Variants in ADAMTS20 observed in about 807,000 individuals in gnomAD.
ADAMTS20 encodes the protein A disintegrin and metalloproteinase with thrombospondin motifs 20.
Under a neutral mutation model 260.1 loss-of-function variants are expected in ADAMTS20, and 225 were observed. The observed-to-expected ratio is 0.87, with a 90% confidence interval of 0.78 to 0.97. ADAMTS20 has a LOEUF of 0.97. Among genes scored for constraint, ADAMTS20 ranks in the 50% least tolerant of loss-of-function variants. The probability of loss-of-function intolerance (pLI) is 0.00; values close to 1 mark genes in which losing one functional copy is unlikely to be tolerated. For synonymous variants in ADAMTS20, 802 were observed against 769.5 expected, an observed-to-expected ratio of 1.04 and a Z score of -0.70; for missense variants, 2,400 against 2,337.7, an observed-to-expected ratio of 1.03 and a Z score of -0.55.
intron 16 of ADAMTS20, among the ~76,000 whole-genome samples, chr12:43,441,655 T>C (rs1941668635): frequency 6.6e-6 from 1 of 152,182 alleles, no homozygotes; most frequent in Non-Finnish European, 1.5e-5. Context: ...GGATGTGTAA[T>C]ACCTAAAATT....
At chr12:43,444,857 G>A (rs1941731708) in intron 15 of ADAMTS20, among the ~76,000 whole-genome samples, 1 of 152,130 alleles carries the variant, frequency 6.6e-6, no homozygotes, top group Non-Finnish European at 1.5e-5. Context: ...CAACCCTAAT[G>A]TCAGACTATC....
chr12:43,519,427 GGTATTCAGTAA>G (rs1943041813), intron 3 of ADAMTS20, among the ~76,000 whole-genome samples: 2 of 151,970 alleles, frequency 1.3e-5, no homozygotes, highest in South Asian at 4.1e-4. Flanking sequence ...CAGTGAGGAA[GGTATTCAGTAA>G]ATATTTTATG....
rs371420847 is a variant in ADAMTS20 at position 43,452,313 on chromosome 12, T to A, written c.2040A>T (p.Gly680=). ...GAACACAGATGTCATGAGTTTCAGTTCCACAAGGAGTACCATCTTCAACCA... is the reference window on the plus strand; with the variant it reads ...GAACACAGATGTCATGAGTTTCAGTACCACAAGGAGTACCATCTTCAACCA... ...KDMVEDGTPC[G]TETHDICVQG... Residue 680 remains glycine (G), a synonymous_variant, in exon 14 of 39, where the codon GGA becomes GGT. Coordinates refer to ENST00000389420, the MANE Select transcript of ADAMTS20 (RefSeq NM_025003.5). 14 of 1,613,086 alleles carry A rather than the reference T, an allele frequency of 8.7e-6. No homozygotes were observed. The highest frequency in any genetic ancestry group is 1.2e-5 in the Non-Finnish European group (14 of 1,179,494).
intron 7 of ADAMTS20, among the ~76,000 whole-genome samples, chr12:43,471,353 T>G (rs1239482802): frequency 7.6e-5 from 11 of 145,042 alleles, no homozygotes; most frequent in Non-Finnish European, 1.2e-4. Context: ...GGAGTCTCGC[T>G]GTTTGCTAGC....
chr12:43,443,559 GA>G (rs1231783874), intron 16 of ADAMTS20, among the ~76,000 whole-genome samples: 30 of 150,414 alleles, frequency 2.0e-4, no homozygotes, highest in Admixed American at 7.9e-4. Context: ...AAATACACGA[GA>G]AAAAAACTGA....
At chr12:43,510,630 T>C (rs1379981863) in intron 3 of ADAMTS20, among the ~76,000 whole-genome samples, 6 of 152,064 alleles carry the variant, frequency 3.9e-5, no homozygotes, top group Admixed American at 2.6e-4. Flanking sequence ...AAATACTGTG[T>C]TGTCTTTTAT....
chr12:43,547,204 A>G (rs1342573264), intron 2 of ADAMTS20, among the ~76,000 whole-genome samples: 1 of 152,214 alleles, frequency 6.6e-6, no homozygotes, highest in Non-Finnish European at 1.5e-5. Context: ...TGAAAATATT[A>G]ATTTGATTTG....
rs1213256201 is a variant in ADAMTS20 at position 43,354,018 on chromosome 12, A to T, written c.*191T>A. On this transcript the variant is annotated 3_prime_UTR_variant, in exon 39 of 39. Transcript: ENST00000389420. ...CTGATTAGATATAAAATAAATTAAG[A>T]TAGCTCTTAAATTTCTTTTATAGAC... 9.8e-6 allele frequency: 4 copies of T among 409,812 alleles called. No individual in the cohort carries two copies. Among genetic ancestry groups the T allele is most frequent in the Non-Finnish European group, 1.3e-5 (3 of 229,902 alleles). The allele number at this position is 409,812 out of a possible 1,614,324, so 25.4% of individuals were successfully genotyped here. A position where few individuals can be genotyped will look rare whatever the true frequency, so the allele number is the denominator to read the frequency against.
At chr12:43,537,599 C>A (rs1302172430) in intron 2 of ADAMTS20, among the ~76,000 whole-genome samples, 2 of 152,046 alleles carry the variant, frequency 1.3e-5, no homozygotes, top group African/African-American at 2.4e-5. Flanking sequence ...GTTGTACTAG[C>A]AAATAGGTCT....
At chr12:43,408,013 A>C (rs1319036626) in intron 28 of ADAMTS20, among the ~76,000 whole-genome samples, 1 of 152,202 alleles carries the variant, frequency 6.6e-6, no homozygotes, top group Non-Finnish European at 1.5e-5. Context: ...TGGAGTTTTT[A>C]TTGACTCATC....
intron 4 of ADAMTS20, among the ~76,000 whole-genome samples, chr12:43,494,133 T>A (rs1480929714): frequency 6.6e-6 from 1 of 152,222 alleles, no homozygotes; most frequent in East Asian, 1.9e-4. Flanking sequence ...ACCTGTGCAA[T>A]GAAATCTGCT....
chr12:43,522,380 T>C (rs578072085), intron 3 of ADAMTS20, among the ~76,000 whole-genome samples: 2 of 152,276 alleles, frequency 1.3e-5, no homozygotes, highest in East Asian at 3.9e-4. Context: ...CAGTCCAAGG[T>C]GAGATTTGGG....
intron 3 of ADAMTS20, among the ~76,000 whole-genome samples, chr12:43,527,269 A>C (rs578151334): frequency 4.0e-4 from 61 of 152,330 alleles, no homozygotes; most frequent in Admixed American, 1.2e-3. Flanking sequence ...GTCTATTCAC[A>C]GAAGAATTGG....
intron 14 of ADAMTS20, among the ~76,000 whole-genome samples, chr12:43,451,151 A>G (rs1010638720): frequency 2.6e-5 from 4 of 152,210 alleles, no homozygotes; most frequent in African/African-American, 9.6e-5. Context: ...CCTGGAGGAC[A>G]CTGGGTTAAA....
intron 16 of ADAMTS20, among the ~76,000 whole-genome samples, chr12:43,443,225 C>A (rs905051011): frequency 1.9e-4 from 29 of 152,064 alleles, no homozygotes; most frequent in African/African-American, 6.8e-4. Context: ...AAGTGAAATT[C>A]TTTAAGCCTG....
At chr12:43,497,177 G>A (rs914718019) in intron 4 of ADAMTS20, among the ~76,000 whole-genome samples, 13 of 151,992 alleles carry the variant, frequency 8.6e-5, no homozygotes, top group African/African-American at 3.1e-4. Flanking sequence ...CTTGTTTATA[G>A]GTTTCATAAA....
chr12:43,452,712 C>A lies in ADAMTS20; in HGVS notation c.1761-17G>T. 6.3e-7 allele frequency: 1 copy of A among 1,583,532 alleles called. No homozygotes were observed. Among genetic ancestry groups the A allele is most frequent in the Non-Finnish European group, 8.6e-7 (1 of 1,161,958 alleles). On this transcript the variant is annotated splice_polypyrimidine_tract_variant and intron_variant, in intron 12 of 38. Transcript: ENST00000389420. ...TTTCTTGGCCTAGTCAAATTCATTA[C>A]ATTTTAAAGCACATCAGTACAACAT...
chr12:43,520,618 G>A (rs1359114508), intron 3 of ADAMTS20, among the ~76,000 whole-genome samples: 1 of 152,152 alleles, frequency 6.6e-6, no homozygotes, highest in East Asian at 1.9e-4. Flanking sequence ...AAGGTCATAA[G>A]TGATCTTTGA....
chr12:43,502,693 C>T (rs1942785777), intron 3 of ADAMTS20, among the ~76,000 whole-genome samples: 1 of 152,048 alleles, frequency 6.6e-6, no homozygotes, highest in African/African-American at 2.4e-5. Flanking sequence ...GATTCAAAAG[C>T]ATTTATTAAC....
Sources: allele counts gnomAD v4.1 joint callset (sites outside exome capture counted in the v4.1 genomes callset), GRCh38; gene constraint gnomAD v4.1.1; transcripts MANE v1.5; gene names NCBI Gene and HGNC (gene_info 2026-07-23, HGNC 2026-07-21).